The following NICOL1 variants were observed in gnomAD, a reference collection of about 807,000 sequenced individuals.
NICOL1 encodes NELL2 interacting cell ontogeny regulator 1, also known as NELL2-interacting cell ontogeny regulator 1.
chr4:2,038,237 G>GTATATA, the NICOL1 span, among the ~76,000 whole-genome samples: 553 of 91,256 alleles, frequency 6.1e-3, 1 homozygote, highest in Non-Finnish European at 9.4e-3. Flanking sequence ...TGATCAGTGT[G>GTATATA]TATATATATA....
the NICOL1 span, among the ~76,000 whole-genome samples, chr4:2,039,458 C>G: frequency 1.3e-5 from 2 of 152,096 alleles, no homozygotes; most frequent in African/African-American, 4.8e-5. Flanking sequence ...AGACCTGTCT[C>G]TAAAAATTAC....
chr4:2,041,955 A>C, the NICOL1 span: 1 of 1,453,250 alleles, frequency 6.9e-7, no homozygotes, highest in Non-Finnish European at 9.0e-7. Flanking sequence ...CATGACGACG[A>C]CGTCGGATGG....
chr4:2,042,008 G>T, the NICOL1 span: 4 of 1,470,492 alleles, frequency 2.7e-6, no homozygotes, highest in South Asian at 5.3e-5. Context: ...CGCGTTGCGC[G>T]CCGGACGCGG....
the NICOL1 span, among the ~76,000 whole-genome samples, chr4:2,043,577 G>T: frequency 1.3e-5 from 2 of 152,318 alleles, no homozygotes; most frequent in African/African-American, 4.8e-5. Flanking sequence ...GTGGCAGGGA[G>T]TGGGGGACAG....
chr4:2,042,721 C>G, the NICOL1 span: 1 of 1,501,826 alleles, frequency 6.7e-7, no homozygotes, highest in South Asian at 1.2e-5. Context: ...CCACCCTGAC[C>G]CGCGCCCCCC....
chr4:2,037,008 C>T, the NICOL1 span, among the ~76,000 whole-genome samples: 1 of 151,956 alleles, frequency 6.6e-6, no homozygotes, highest in African/African-American at 2.4e-5. Flanking sequence ...GAGGAGGGGC[C>T]TGGTGGGAGG....
chr4:2,039,506 G>A, the NICOL1 span, among the ~76,000 whole-genome samples: 1 of 152,124 alleles, frequency 6.6e-6, no homozygotes, highest in Admixed American at 6.5e-5. Flanking sequence ...ACATGTGATA[G>A]TTCAAAATTG....
the NICOL1 span, chr4:2,042,028 CGGT>C: frequency 6.8e-7 from 1 of 1,474,716 alleles, no homozygotes; most frequent in Non-Finnish European, 8.9e-7. Flanking sequence ...GAACGTCTGC[CGGT>C]GTCCCCGCGC....
the NICOL1 span, among the ~76,000 whole-genome samples, chr4:2,038,868 A>C: frequency 6.6e-6 from 1 of 152,232 alleles, no homozygotes; most frequent in Non-Finnish European, 1.5e-5. Flanking sequence ...ATCAGTACCT[A>C]GAACTGGGTT....
chr4:2,042,230 G>A, the NICOL1 span: 2 of 1,336,636 alleles, frequency 1.5e-6, no homozygotes, highest in Non-Finnish European at 1.9e-6. Context: ...CCCAGGCCTG[G>A]GGCTTGGACA....
chr4:2,040,313 GC>G, the NICOL1 span, among the ~76,000 whole-genome samples: 1 of 152,214 alleles, frequency 6.6e-6, no homozygotes, highest in Non-Finnish European at 1.5e-5. Flanking sequence ...CGCCATGTTG[GC>G]CAGGCTGGTC....
chr4:2,038,827 A>G, the NICOL1 span, among the ~76,000 whole-genome samples: 1 of 152,316 alleles, frequency 6.6e-6, no homozygotes, highest in South Asian at 2.1e-4. Flanking sequence ...TTTGTTATTT[A>G]GTGTCTTGCT....
chr4:2,041,835 TG>T, the NICOL1 span: 1 of 726,806 alleles, frequency 1.4e-6, no homozygotes, highest in Non-Finnish European at 2.1e-6. Flanking sequence ...GCATCCGCCA[TG>T]GGCCTGGACG....
chr4:2,039,724 C>A, the NICOL1 span, among the ~76,000 whole-genome samples: 2 of 152,028 alleles, frequency 1.3e-5, no homozygotes, highest in Non-Finnish European at 2.9e-5. Flanking sequence ...CCTGTAGTCC[C>A]AGCTACTGGG....
the NICOL1 span, chr4:2,041,680 C>A: frequency 9.3e-6 from 3 of 321,822 alleles, no homozygotes; most frequent in East Asian, 1.5e-4. Context: ...CCGCGCCTCG[C>A]GAGCATCGAG....
chr4:2,042,249 G>C, the NICOL1 span: 2 of 1,216,654 alleles, frequency 1.6e-6, no homozygotes, highest in Non-Finnish European at 2.1e-6. Flanking sequence ...CAAGGGTCGT[G>C]GGGCCCGCGG....
the NICOL1 span, chr4:2,041,792 C>T: frequency 2.0e-6 from 1 of 501,632 alleles, no homozygotes; most frequent in Non-Finnish European, 3.3e-6. Flanking sequence ...GGTCTCGCCC[C>T]GGCGCCGCCT....
the NICOL1 span, chr4:2,042,404 TG>T: frequency 2.0e-6 from 1 of 495,762 alleles, no homozygotes; most frequent in Non-Finnish European, 3.5e-6. Flanking sequence ...CCGCCGCCGC[TG>T]CTGCTGCTGC....
At chr4:2,043,960 T>G in the NICOL1 span, 2 of 1,511,772 alleles carry the variant, frequency 1.3e-6, no homozygotes, top group Non-Finnish European at 1.8e-6. Context: ...AAATGCCCAG[T>G]GGCACGCCTG....
Sources: gnomAD v4.1 joint callset for allele counts (sites outside exome capture counted in the v4.1 genomes callset) on GRCh38, gnomAD v4.1.1 for gene constraint, MANE v1.5 for transcripts, NCBI Gene and HGNC (gene_info 2026-07-23, HGNC 2026-07-21) for gene names.